The following MEI1 variants were observed in gnomAD, a reference collection of about 807,000 sequenced individuals.
MEI1 encodes the protein meiosis inhibitor protein 1.
Under a neutral mutation model 146.2 loss-of-function variants are expected in MEI1, and 103 were observed. The ratio of observed to expected loss-of-function variants is 0.70; its 90% CI spans 0.60 to 0.83. The LOEUF (loss-of-function observed/expected upper bound fraction) is 0.83. Among genes scored for constraint, MEI1 ranks in the 40% least tolerant of loss-of-function variants. The pLI is 0.00. For synonymous variants in MEI1, 652 were observed against 628.2 expected (o/e 1.04, Z -0.57); for missense variants, 1,529 against 1,533.0 (o/e 1.00, Z 0.04).
At chr22:41,758,563 T>C (rs1259359655) in intron 18 of MEI1, 30 bp downstream of exon 18, 1 of 1,593,958 alleles carries the variant, frequency 6.3e-7, no homozygotes, top group African/African-American at 1.3e-5. Flanking sequence ...TGGCTGGTGG[T>C]GGGTCTTGGG....
At chr22:41,759,228 T>A (rs571282109) in intron 18 of MEI1, 5 of 152,192 alleles carry the variant, frequency 3.3e-5, no homozygotes, top group African/African-American at 1.2e-4. Flanking sequence ...GTGCAGTGGC[T>A]CACACCTGTA....
At chr22:41,794,245 G>C (rs1436751999) in intron 27 of MEI1, 126 bp from the exon 28 acceptor site, 3 of 796,272 alleles carry the variant, frequency 3.8e-6, no homozygotes, top group East Asian at 2.4e-5. Flanking sequence ...ACCCTCCTTG[G>C]GTCAGCTTGT....
chr22:41,723,830 C>T lies in MEI1; in HGVS notation c.734-113C>T, dbSNP rs1440200840. On this transcript the variant is annotated intron_variant, in intron 6 of 30. Transcript: ENST00000401548. ...GTGCTTAAGGATTCTAACCATTCTT[C>T]ATATTTGTAGAGGGATGAAGAAGTT... 1.1e-5 allele frequency: 14 copies of T among 1,305,660 alleles called. No individual in the cohort carries two copies. In the East Asian group the frequency reaches 3.3e-4, roughly 31 times the overall value. The allele number at this position is 1,305,660 out of a possible 1,614,324, so 80.9% of individuals were successfully genotyped here. A position where few individuals can be genotyped will look rare whatever the true frequency, so the allele number is the denominator to read the frequency against.
Position 41,753,941 on chromosome 22 carries a change from C to T in MEI1, c.1854-8C>T, listed in dbSNP as rs562788173. On this transcript the variant is annotated splice_region_variant and splice_polypyrimidine_tract_variant and intron_variant, in intron 16 of 30. Transcript: ENST00000401548. ...ATCTCTTCTATTCTTTCTTCTTCTC[C>T]CTCTAAGTCACTCAGCCCTAAACCA... The T allele has an allele frequency of 1.4e-4, 215 of 1,587,802 alleles. 2 individuals carry two copies. In the South Asian group the frequency reaches 2.3e-3, roughly 17 times the overall value.
At chr22:41,779,869 G>A (rs914533354) in intron 22 of MEI1, among the ~76,000 whole-genome samples, 1 of 151,808 alleles carries the variant, frequency 6.6e-6, no homozygotes, top group Admixed American at 6.6e-5. Context: ...TCACTTCACA[G>A]GCAGCACCTG....
chr22:41,727,314 T>C (rs1463613604), intron 7 of MEI1, among the ~76,000 whole-genome samples: 1 of 152,222 alleles, frequency 6.6e-6, no homozygotes, highest in Non-Finnish European at 1.5e-5. Context: ...TCAGCTTCTA[T>C]GATACTTAAA....
chr22:41,729,530 C>G (rs1238529853), intron 7 of MEI1, 135 bp from the exon 8 acceptor site: 2 of 673,092 alleles, frequency 3.0e-6, no homozygotes, highest in Non-Finnish European at 5.3e-6. Flanking sequence ...TCCTGACCAC[C>G]ATCCTTGTGC....
Position 41,769,315 on chromosome 22 carries a change from A to G in MEI1, c.2269-1371A>G, listed in dbSNP as rs1290020480. 1.3e-5 allele frequency among the ~76,000 whole-genome samples: 2 copies of G among 152,182 alleles called. 1 individual carries two copies. Among genetic ancestry groups the G allele is most frequent in the East Asian group, 3.8e-4 (2 of 5,200 alleles). ...GATGCCAAGATAATTCAATGGGGGA[A>G]GATTTGTCTTTTCAGAAAATTTTCA... On this transcript the variant is annotated intron_variant, in intron 19 of 30. Coordinates refer to ENST00000401548, the MANE Select transcript of MEI1 (RefSeq NM_152513.4).
At chr22:41,704,956 C>A (rs1309842460) in intron 2 of MEI1, among the ~76,000 whole-genome samples, 2 of 151,730 alleles carry the variant, frequency 1.3e-5, no homozygotes, top group Admixed American at 1.3e-4. Context: ...CCTCGTGATC[C>A]ACCTGCCTCA....
intron 7 of MEI1, among the ~76,000 whole-genome samples, chr22:41,725,886 GC>G (rs965523397): frequency 1.3e-5 from 2 of 152,200 alleles, no homozygotes; most frequent in Non-Finnish European, 2.9e-5. Flanking sequence ...CGGCACGGGG[GC>G]TGGCAGAGCT....
In MEI1 at chr22:41,731,027, G is replaced by C. The variant is rs549482487; in HGVS notation, c.1096+390G>C. 7.4e-5 allele frequency among the ~76,000 whole-genome samples: 11 copies of C among 148,608 alleles called. No individual in the cohort carries two copies. In the East Asian group the frequency reaches 2.0e-3, roughly 27 times the overall value. On this transcript the variant is annotated intron_variant, in intron 9 of 30. Transcript: ENST00000401548. Reference sequence around the variant, plus strand: ...CTAATTTATTCTTTCAAAGTTTCTTGAAACTGTCCTTCCTTGTCTGGGACT... The same window carrying C: ...CTAATTTATTCTTTCAAAGTTTCTTCAAACTGTCCTTCCTTGTCTGGGACT...
At chr22:41,700,945 T>C (rs977180362) in intron 1 of MEI1, among the ~76,000 whole-genome samples, 10 of 149,724 alleles carry the variant, frequency 6.7e-5, no homozygotes, top group Non-Finnish European at 1.5e-4. Context: ...CTTTCTTTTT[T>C]TTTTTTTTTT....
At chr22:41,742,542 C>G (rs2072971199) in intron 11 of MEI1, among the ~76,000 whole-genome samples, 1 of 152,028 alleles carries the variant, frequency 6.6e-6, no homozygotes, top group Admixed American at 6.6e-5. Context: ...GAATTTGATC[C>G]CCATAATAAG....
chr22:41,726,029 C>G (rs60945704), intron 7 of MEI1, among the ~76,000 whole-genome samples: 1,574 of 152,232 alleles, frequency 0.01, 28 homozygotes, highest in African/African-American at 0.036. Context: ...CCTGTAATCC[C>G]AGCACTTTGG....
At chr22:41,761,180 G>A (rs561895281) in intron 18 of MEI1, among the ~76,000 whole-genome samples, 37 of 152,010 alleles carry the variant, frequency 2.4e-4, no homozygotes, top group Admixed American at 6.5e-4. Context: ...GTGTGGTGGC[G>A]AGCGTCTGTA....
At chr22:41,720,576 T>A (rs1294496670) in intron 6 of MEI1, among the ~76,000 whole-genome samples, 1 of 148,512 alleles carries the variant, frequency 6.7e-6, no homozygotes, top group Non-Finnish European at 1.5e-5. Flanking sequence ...GACCACAGCC[T>A]GCACTACTAT....
At chr22:41,778,628 C>A in intron 21 of MEI1, 80 bp from the exon 22 acceptor site, 1 of 1,066,404 alleles carries the variant, frequency 9.4e-7, no homozygotes, top group Non-Finnish European at 1.4e-6. Flanking sequence ...TATTAAGGGC[C>A]ATTGAAGCAG....
rs768927122 is a variant in MEI1, at chr22:41,781,765, T to C, written c.3007T>C (p.Ser1003Pro). ...GGCCCTCACCTTGGCAAAGGCAGAT[T>C]CTCCCAGGACTGCACTCCTCTGCTC... ...MLALTLAKAD[S>P]PRTALLCSAW... The change falls in exon 24 of 31, where the codon TCT becomes CCT. Residue 1003 changes from serine (S) to proline (P), a missense_variant. Around this residue, in one of 3 missense-constraint regions of MEI1, gnomAD observed 313 missense variants for 337.3 expected, o/e 0.93. Coordinates refer to ENST00000401548, the MANE Select transcript of MEI1 (RefSeq NM_152513.4). 6.2e-7 allele frequency: 1 copy of C among 1,613,962 alleles called. No homozygotes were observed. Among genetic ancestry groups the C allele is most frequent in the South Asian group, 1.1e-5 (1 of 91,076 alleles).
chr22:41,772,615 C>G (rs1185010693), intron 20 of MEI1, among the ~76,000 whole-genome samples: 1 of 152,184 alleles, frequency 6.6e-6, no homozygotes, highest in Non-Finnish European at 1.5e-5. Flanking sequence ...AACGACTGTA[C>G]CTGCCATTTT....
Sources: allele counts gnomAD v4.1 joint callset (sites outside exome capture counted in the v4.1 genomes callset), GRCh38; gene constraint gnomAD v4.1.1; regional missense constraint gnomAD v4.1.1; transcripts MANE v1.5; gene names NCBI Gene and HGNC (gene_info 2026-07-23, HGNC 2026-07-21).